Variants in PDE4D observed in about 807,000 individuals in gnomAD.
The protein encoded by PDE4D is phosphodiesterase 4D.
Under a neutral mutation model 87.4 loss-of-function variants are expected in PDE4D, and 24 were observed. The ratio of observed to expected loss-of-function variants is 0.27; its 90% CI spans 0.20 to 0.39. The LOEUF is 0.39. Ranked by LOEUF, PDE4D falls within the 10% of genes least tolerant of loss-of-function variation. The pLI is 1.00. For missense variants in PDE4D, 714 were observed against 1,041.0 expected (o/e 0.69, Z 4.32); for synonymous variants, 384 against 383.2 (o/e 1.00, Z -0.02).
intron 1 of PDE4D, among the ~76,000 whole-genome samples, chr5:59,815,395 C>A (rs575720122): frequency 6.6e-6 from 1 of 152,246 alleles, no homozygotes; most frequent in East Asian, 1.9e-4. Context: ...GAGGATGGAC[C>A]ACAGGTACGG....
intron 3 of PDE4D, among the ~76,000 whole-genome samples, chr5:59,972,815 G>C (rs1288728361): frequency 2.6e-5 from 4 of 152,070 alleles, no homozygotes; most frequent in Non-Finnish European, 5.9e-5. Flanking sequence ...GCAAGATCAG[G>C]CTCCCAGACC....
intron 1 of PDE4D, among the ~76,000 whole-genome samples, chr5:60,500,044 C>T (rs905940165): frequency 6.6e-6 from 1 of 151,866 alleles, no homozygotes; most frequent in Non-Finnish European, 1.5e-5. Flanking sequence ...TGTGGTGGCT[C>T]ATACCTCTAA....
At chr5:59,549,904 T>A (rs368841865) in intron 1 of PDE4D, among the ~76,000 whole-genome samples, 1 of 151,874 alleles carries the variant, frequency 6.6e-6, no homozygotes, top group African/African-American at 2.4e-5. Flanking sequence ...TTATTAACCA[T>A]CAATACTCAT....
chr5:59,306,578 G>C (rs1015039781), intron 1 of PDE4D, among the ~76,000 whole-genome samples: 1 of 152,244 alleles, frequency 6.6e-6, no homozygotes, highest in South Asian at 2.1e-4. Context: ...GACAAACAGA[G>C]AGCCAAATCA....
At chr5:59,965,727 C>G (rs1217702140) in intron 3 of PDE4D, among the ~76,000 whole-genome samples, 2 of 152,134 alleles carry the variant, frequency 1.3e-5, no homozygotes, top group African/African-American at 4.8e-5. Context: ...CAGTCAGTAA[C>G]TTCTTACTAA....
intron 1 of PDE4D, among the ~76,000 whole-genome samples, chr5:59,474,809 A>C (rs1803034483): frequency 1.3e-5 from 2 of 152,134 alleles, no homozygotes; most frequent in South Asian, 4.1e-4. Context: ...TGAAGTCATA[A>C]AAAGTTTTAT....
At chr5:59,164,514 T>C (rs1007518306) in intron 5 of PDE4D, among the ~76,000 whole-genome samples, 2 of 152,206 alleles carry the variant, frequency 1.3e-5, no homozygotes, top group African/African-American at 4.8e-5. Context: ...CGTCTTCTAA[T>C]GAGAAATCAA....
intron 5 of PDE4D, among the ~76,000 whole-genome samples, chr5:59,176,532 G>A (rs961076272): frequency 1.3e-5 from 2 of 151,120 alleles, no homozygotes; most frequent in Non-Finnish European, 2.9e-5. Context: ...TCCAGCCTGG[G>A]CGATAAGAGC....
intron 1 of PDE4D, among the ~76,000 whole-genome samples, chr5:59,510,540 G>A (rs966491355): frequency 6.6e-6 from 1 of 151,796 alleles, no homozygotes; most frequent in Non-Finnish European, 1.5e-5. Context: ...CAGAGGTAGA[G>A]TTCCAGATAG....
chr5:59,879,772 G>C (rs939827038), intron 1 of PDE4D, among the ~76,000 whole-genome samples: 2 of 152,116 alleles, frequency 1.3e-5, no homozygotes, highest in African/African-American at 4.8e-5. Context: ...CGAAAGTCTC[G>C]CTCTGTCACC....
At chr5:59,291,145 G>T (rs550838237) in intron 1 of PDE4D, among the ~76,000 whole-genome samples, 3 of 152,022 alleles carry the variant, frequency 2.0e-5, no homozygotes, top group Non-Finnish European at 4.4e-5. Flanking sequence ...GTTTATTGCA[G>T]CACTATTAAC....
At chr5:59,155,196 G>A (rs1172456194) in intron 5 of PDE4D, among the ~76,000 whole-genome samples, 2 of 152,166 alleles carry the variant, frequency 1.3e-5, no homozygotes, top group East Asian at 3.9e-4. Context: ...TACACAGAGT[G>A]AGAAAACCAA....
intron 11 of PDE4D, among the ~76,000 whole-genome samples, chr5:58,978,603 C>CT (rs1744381282): frequency 6.6e-6 from 1 of 151,960 alleles, no homozygotes; most frequent in African/African-American, 2.4e-5. Flanking sequence ...AGAGGAGAGG[C>CT]TTAAGACATT....
chr5:60,365,855 C>T (rs1760480130), intron 1 of PDE4D, among the ~76,000 whole-genome samples: 1 of 151,948 alleles, frequency 6.6e-6, no homozygotes, highest in African/African-American at 2.4e-5. Context: ...ACCAGCCTGG[C>T]CAACATGGTG....
intron 1 of PDE4D, among the ~76,000 whole-genome samples, chr5:59,706,634 T>C (rs989707625): frequency 4.6e-5 from 7 of 152,192 alleles, no homozygotes; most frequent in East Asian, 1.9e-4. Context: ...TTAAGGATGA[T>C]GCTTCATGGT....
At chr5:59,715,478 C>T (rs1432006993) in intron 1 of PDE4D, among the ~76,000 whole-genome samples, 2 of 152,214 alleles carry the variant, frequency 1.3e-5, no homozygotes, top group Non-Finnish European at 1.5e-5. Context: ...CAGCCTAGTA[C>T]TGACTCCATA....
intron 2 of PDE4D, among the ~76,000 whole-genome samples, chr5:60,049,967 C>T (rs938398019): frequency 1.3e-5 from 2 of 152,224 alleles, no homozygotes; most frequent in Middle Eastern, 3.4e-3. Flanking sequence ...CCCCCAGCCT[C>T]GCTGCCACCT....
At chr5:59,014,804 C>T (rs1203564368) in intron 6 of PDE4D, among the ~76,000 whole-genome samples, 6 of 152,122 alleles carry the variant, frequency 3.9e-5, no homozygotes, top group South Asian at 2.1e-4. Context: ...AAAAAGAGCC[C>T]GCATTGCCAA....
chr5:59,842,610 C>T (rs1743183700), intron 1 of PDE4D, among the ~76,000 whole-genome samples: 1 of 151,952 alleles, frequency 6.6e-6, no homozygotes, highest in Admixed American at 6.6e-5. Flanking sequence ...GTCCCTGTTG[C>T]TAGTAATCAT....
Sources: allele counts gnomAD v4.1 joint callset (sites outside exome capture counted in the v4.1 genomes callset), GRCh38; gene constraint gnomAD v4.1.1; transcripts MANE v1.5; gene names NCBI Gene and HGNC (gene_info 2026-07-23, HGNC 2026-07-21).